CACNA1C: variants seen among roughly 807,000 people sequenced by gnomAD.
CACNA1C encodes voltage-dependent L-type calcium channel subunit alpha-1C.
CACNA1C carries 30 observed loss-of-function variants against 229.0 expected under a neutral mutation model. The ratio of observed to expected loss-of-function variants is 0.13; its 90% CI spans 0.10 to 0.18. The LOEUF (loss-of-function observed/expected upper bound fraction) is 0.18, where lower values mean the gene tolerates loss of function less well. Among genes scored for constraint, CACNA1C ranks in the 10% least tolerant of loss-of-function variants. The probability of loss-of-function intolerance (pLI) is 1.00; values close to 1 mark genes in which losing one functional copy is unlikely to be tolerated. For missense variants in CACNA1C, 1,658 were observed against 2,845.0 expected, an observed-to-expected ratio of 0.58 and a Z score of 9.49; for synonymous variants, 1,114 against 1,132.5, an observed-to-expected ratio of 0.98 and a Z score of 0.33.
chr12:2,114,432 T>C (rs1337291279), intron 1 of CACNA1C, among the ~76,000 whole-genome samples: 1 of 152,152 alleles, frequency 6.6e-6, no homozygotes, highest in Non-Finnish European at 1.5e-5. Context: ...TGCTGTACTT[T>C]ATTGGTAAAA....
At chr12:2,356,871 A>G (rs1459724694) in intron 3 of CACNA1C, among the ~76,000 whole-genome samples, 4 of 152,052 alleles carry the variant, frequency 2.6e-5, no homozygotes, top group African/African-American at 9.7e-5. Context: ...GCACAGAGAG[A>G]TTGTGTTGCT....
At chr12:2,501,769 T>C (rs2099760965) in intron 7 of CACNA1C, among the ~76,000 whole-genome samples, 1 of 152,216 alleles carries the variant, frequency 6.6e-6, no homozygotes, top group South Asian at 2.1e-4. Context: ...ACAGTTACCT[T>C]ATCGCTAAAG....
intron 1 of CACNA1C, among the ~76,000 whole-genome samples, chr12:2,044,252 G>A (rs1007112485): frequency 1.3e-5 from 2 of 152,258 alleles, no homozygotes; most frequent in Middle Eastern, 3.4e-3. Context: ...CTTCAGCTGG[G>A]TCATACGAAT....
intron 3 of CACNA1C, among the ~76,000 whole-genome samples, chr12:2,185,709 A>T (rs2154289604): frequency 6.6e-6 from 1 of 152,324 alleles, no homozygotes; most frequent in East Asian, 1.9e-4. Context: ...TCCAGCCTTC[A>T]GGAAGTTCAT....
intron 3 of CACNA1C, among the ~76,000 whole-genome samples, chr12:2,443,276 G>A (rs2099246303): frequency 6.6e-6 from 1 of 152,178 alleles, no homozygotes. Context: ...AAAGAAAGGG[G>A]TCACAGTCCC....
intron 3 of CACNA1C, among the ~76,000 whole-genome samples, chr12:2,234,759 A>T (rs1440099667): frequency 6.6e-6 from 1 of 152,126 alleles, no homozygotes; most frequent in African/African-American, 2.4e-5. Context: ...TGAGAATTTT[A>T]AATTAGCTGA....
intron 1 of CACNA1C, among the ~76,000 whole-genome samples, chr12:2,033,026 G>A (rs1285135088): frequency 6.6e-6 from 1 of 152,190 alleles, no homozygotes. Context: ...TGAAGGTAGG[G>A]GGTGGTGGAG....
chr12:2,116,371 CT>C (rs869196313), intron 2 of CACNA1C, among the ~76,000 whole-genome samples: 4,829 of 136,728 alleles, frequency 0.035, 80 homozygotes, highest in African/African-American at 0.061. Flanking sequence ...TTGGGAAGGA[CT>C]TTTTTTTTTT....
chr12:2,696,383 G>A lies in CACNA1C; in HGVS notation c.*5184G>A, dbSNP rs2097842676. On this transcript the variant is annotated 3_prime_UTR_variant, in exon 47 of 47. Transcript: ENST00000399655. ...AGAGGCTTGAAATGTTACATCACCA[G>A]AGCCAAGTCCTCTCCCTTCAGATCA... is the stretch of plus-strand genomic sequence containing the variant. The A allele has an allele frequency of 6.6e-6, 1 of 152,180 alleles. No individual in the cohort carries two copies. Among genetic ancestry groups the A allele is most frequent in the South Asian group, 2.1e-4 (1 of 4,828 alleles). The allele number at this position is 152,180 out of a possible 1,614,324, so 9.4% of individuals were successfully genotyped here.
At chr12:2,377,815 C>T (rs2098120481) in intron 3 of CACNA1C, among the ~76,000 whole-genome samples, 1 of 152,206 alleles carries the variant, frequency 6.6e-6, no homozygotes, top group African/African-American at 2.4e-5. Context: ...GCTCCTGGAG[C>T]TCCTTCTGCT....
chr12:2,140,255 C>T (rs533189866), intron 3 of CACNA1C, among the ~76,000 whole-genome samples: 6 of 151,332 alleles, frequency 4.0e-5, no homozygotes, highest in African/African-American at 1.2e-4. Flanking sequence ...GCAGAATGGT[C>T]GGAGACCCTC....
chr12:2,613,138 C>G (rs948849130), intron 29 of CACNA1C: 1 of 152,216 alleles, frequency 6.6e-6, no homozygotes, highest in African/African-American at 2.4e-5. Context: ...AATCCATGTT[C>G]ATTGAGGAGA....
intron 9 of CACNA1C, among the ~76,000 whole-genome samples, chr12:2,540,593 A>C (rs924992356): frequency 9.9e-5 from 15 of 152,266 alleles, no homozygotes; most frequent in African/African-American, 3.6e-4. Flanking sequence ...GACAGCACAC[A>C]CAGGGCACGG....
chr12:2,159,603 CTTTTT>C (rs575455560), intron 3 of CACNA1C, among the ~76,000 whole-genome samples: 1 of 138,374 alleles, frequency 7.2e-6, no homozygotes. Flanking sequence ...CTTTCTTTCT[CTTTTT>C]TTTTTTTTTT....
intron 3 of CACNA1C, among the ~76,000 whole-genome samples, chr12:2,197,657 TC>T (rs1388421027): frequency 6.6e-6 from 1 of 152,236 alleles, no homozygotes; most frequent in East Asian, 1.9e-4. Flanking sequence ...AGTCAGGACT[TC>T]CTTCCTTTCC....
chr12:2,463,156 G>A (rs565342606), intron 5 of CACNA1C, among the ~76,000 whole-genome samples: 9 of 152,170 alleles, frequency 5.9e-5, no homozygotes, highest in Admixed American at 2.0e-4. Context: ...TGATCTGCCC[G>A]CCTCAGCCTC....
intron 5 of CACNA1C, among the ~76,000 whole-genome samples, chr12:2,458,577 G>C (rs1195617659): frequency 4.6e-5 from 7 of 152,204 alleles, no homozygotes; most frequent in Non-Finnish European, 8.8e-5. Context: ...AGCTCCAGTA[G>C]ATTTGGCCCA....
chr12:2,430,381 ACACT>A (rs1179281624), intron 3 of CACNA1C, among the ~76,000 whole-genome samples: 1 of 152,182 alleles, frequency 6.6e-6, no homozygotes, highest in Non-Finnish European at 1.5e-5. Context: ...GAATCCAGAG[ACACT>A]CAATGTGTTG....
intron 1 of CACNA1C, among the ~76,000 whole-genome samples, chr12:1,989,561 A>G (rs1203476274): frequency 6.6e-6 from 1 of 152,166 alleles, no homozygotes; most frequent in African/African-American, 2.4e-5. Context: ...TAAAAACACA[A>G]AAATCAGCCA....
Sources: allele counts gnomAD v4.1 joint callset (sites outside exome capture counted in the v4.1 genomes callset), GRCh38; gene constraint gnomAD v4.1.1; transcripts MANE v1.5; gene names NCBI Gene and HGNC (gene_info 2026-07-23, HGNC 2026-07-21).